The following KIAA1217 variants were observed in gnomAD, a reference collection of about 807,000 sequenced individuals.
The protein encoded by KIAA1217 is KIAA1217.
Under a neutral mutation model 163.9 loss-of-function variants are expected in KIAA1217, and 88 were observed. The ratio of observed to expected loss-of-function variants is 0.54; its 90% CI spans 0.45 to 0.64. The LOEUF (loss-of-function observed/expected upper bound fraction) is 0.64, where lower values mean the gene tolerates loss of function less well. KIAA1217 is among the 30% of genes least tolerant of loss of function. The pLI is 0.00. For synonymous variants in KIAA1217, 903 were observed against 923.1 expected, an observed-to-expected ratio of 0.98 and a Z score of 0.39; for missense variants, 2,372 against 2,475.0, an observed-to-expected ratio of 0.96 and a Z score of 0.88.
intron 2 of KIAA1217, among the ~76,000 whole-genome samples, chr10:24,248,375 C>T (rs1015621405): frequency 6.6e-6 from 1 of 151,948 alleles, no homozygotes; most frequent in African/African-American, 2.4e-5. Context: ...AAATGTATAC[C>T]GAAATGTCCT....
chr10:24,242,770 A>T, intron 2 of KIAA1217, among the ~76,000 whole-genome samples: 1 of 152,164 alleles, frequency 6.6e-6, no homozygotes, highest in Non-Finnish European at 1.5e-5. Context: ...ACTTTTTAAT[A>T]ACAACCATTC....
At chr10:24,406,524 G>T (rs773506603) in intron 3 of KIAA1217, among the ~76,000 whole-genome samples, 1 of 152,030 alleles carries the variant, frequency 6.6e-6, no homozygotes, top group Non-Finnish European at 1.5e-5. Context: ...ACCTGAACAC[G>T]CCCCTCTGGG....
intron 5 of KIAA1217, among the ~76,000 whole-genome samples, chr10:24,455,498 C>G (rs2061699295): frequency 6.6e-6 from 1 of 152,116 alleles, no homozygotes; most frequent in African/African-American, 2.4e-5. Context: ...GCTAAAGCAC[C>G]CAGTTCCCTG....
chr10:24,184,772 A>G (rs2066342153), intron 2 of KIAA1217, among the ~76,000 whole-genome samples: 1 of 152,164 alleles, frequency 6.6e-6, no homozygotes, highest in Non-Finnish European at 1.5e-5. Flanking sequence ...CCCTTTTCCT[A>G]GTTTTCCTTT....
chr10:23,791,460 G>A (rs1049495588), intron 1 of KIAA1217, among the ~76,000 whole-genome samples: 6 of 151,966 alleles, frequency 3.9e-5, no homozygotes, highest in Admixed American at 6.6e-5. Context: ...AATATATCAC[G>A]AGAGGATAAG....
chr10:23,811,945 C>T (rs528447218), intron 1 of KIAA1217, among the ~76,000 whole-genome samples: 47 of 152,126 alleles, frequency 3.1e-4, no homozygotes, highest in African/African-American at 8.0e-4. Flanking sequence ...TTAAGCTTGA[C>T]GGGGTAGTGC....
At chr10:24,398,650 G>A (rs2056145966) in intron 3 of KIAA1217, among the ~76,000 whole-genome samples, 1 of 152,076 alleles carries the variant, frequency 6.6e-6, no homozygotes, top group Non-Finnish European at 1.5e-5. Flanking sequence ...TATTTCAGGG[G>A]TCTTGTGTCC....
At chr10:24,412,513 T>C (rs1445781406) in intron 3 of KIAA1217, among the ~76,000 whole-genome samples, 4 of 152,228 alleles carry the variant, frequency 2.6e-5, no homozygotes, top group Non-Finnish European at 5.9e-5. Flanking sequence ...TTCCATGGGT[T>C]AACCAGTGCT....
chr10:24,344,217 G>A (rs1487213374), intron 2 of KIAA1217, among the ~76,000 whole-genome samples: 1 of 152,184 alleles, frequency 6.6e-6, no homozygotes, highest in East Asian at 1.9e-4. Context: ...GTTAAAAATA[G>A]CATCTAGAAG....
At chr10:24,510,082 G>A (rs1206381946) in intron 9 of KIAA1217, among the ~76,000 whole-genome samples, 1 of 152,078 alleles carries the variant, frequency 6.6e-6, no homozygotes, top group Admixed American at 6.5e-5. Context: ...TGTGCCACAC[G>A]CTGCTTGTAG....
intron 2 of KIAA1217, among the ~76,000 whole-genome samples, chr10:24,240,532 A>G (rs1203855515): frequency 1.3e-5 from 2 of 152,224 alleles, no homozygotes; most frequent in East Asian, 3.9e-4. Flanking sequence ...GTGAGTGACA[A>G]AGAACTGTGC....
At chr10:23,718,699 TG>T (rs1293144773) in intron 1 of KIAA1217, among the ~76,000 whole-genome samples, 1 of 152,134 alleles carries the variant, frequency 6.6e-6, no homozygotes, top group African/African-American at 2.4e-5. Flanking sequence ...GATTTCTCTT[TG>T]TTAAAAAGGA....
At chr10:24,070,511 A>G (rs1383675695) in intron 2 of KIAA1217, among the ~76,000 whole-genome samples, 3 of 152,230 alleles carry the variant, frequency 2.0e-5, no homozygotes, top group Non-Finnish European at 4.4e-5. Flanking sequence ...CAAATAATCA[A>G]TTTTAATCTT....
intron 2 of KIAA1217, among the ~76,000 whole-genome samples, chr10:24,300,264 G>A (rs2041150116): frequency 6.6e-6 from 1 of 152,208 alleles, no homozygotes; most frequent in South Asian, 2.1e-4. Flanking sequence ...TGCTTAGTCA[G>A]TTTCCTTTTG....
chr10:24,486,256 A>G (rs1459387998), intron 6 of KIAA1217, among the ~76,000 whole-genome samples: 1 of 152,074 alleles, frequency 6.6e-6, no homozygotes, highest in Non-Finnish European at 1.5e-5. Flanking sequence ...TTCACGTCCA[A>G]CCTCAGCTCA....
chr10:24,277,457 G>T (rs542279399), intron 2 of KIAA1217, among the ~76,000 whole-genome samples: 1 of 152,240 alleles, frequency 6.6e-6, no homozygotes, highest in Non-Finnish European at 1.5e-5. Flanking sequence ...CTGCTATGCA[G>T]ATGATATAGT....
chr10:23,949,848 A>G (rs562918053), intron 1 of KIAA1217, among the ~76,000 whole-genome samples: 181 of 152,342 alleles, frequency 1.2e-3, no homozygotes, highest in Non-Finnish European at 1.9e-3. Flanking sequence ...TGTATTATGA[A>G]GTGAATACGG....
In KIAA1217 at chr10:24,473,407, C is replaced by T. The variant is rs756372204; in HGVS notation, c.1026C>T (p.Gly342=). The T allele has an allele frequency of 1.4e-4, 226 of 1,613,764 alleles. No individual in the cohort carries two copies. Among genetic ancestry groups the T allele is most frequent in the Non-Finnish European group, 1.7e-4 (206 of 1,179,874 alleles). The part of the protein sequence containing the change: ...YGGTRSMVVP[G]NATIPRDRIS... ...GCACCCGCTCCATGGTTGTTCCTGG[C>T]AATGCCACCATCCCCAGGGACAGAA... The change falls in exon 6 of 21, where the codon GGC becomes GGT. Residue 342 remains glycine, a synonymous_variant. Transcript: ENST00000376454.
At chr10:24,061,001 CTGGT>C (rs1473172010) in intron 2 of KIAA1217, among the ~76,000 whole-genome samples, 1 of 152,116 alleles carries the variant, frequency 6.6e-6, no homozygotes, top group Non-Finnish European at 1.5e-5. Context: ...GATTTTCTGT[CTGGT>C]TGTTCTATTA....
Sources: allele counts gnomAD v4.1 joint callset (sites outside exome capture counted in the v4.1 genomes callset), GRCh38; gene constraint gnomAD v4.1.1; transcripts MANE v1.5; gene names NCBI Gene and HGNC (gene_info 2026-07-23, HGNC 2026-07-21).